ARIH2: variants seen among roughly 807,000 people sequenced by gnomAD.
ARIH2 encodes the protein E3 ubiquitin-protein ligase ARIH2.
ARIH2 carries 12 observed loss-of-function variants against 79.8 expected under a neutral mutation model. That is an observed-to-expected ratio of 0.15 (90% confidence interval 0.10 to 0.24). The LOEUF (loss-of-function observed/expected upper bound fraction) is 0.24, where lower values mean the gene tolerates loss of function less well. Ranked by LOEUF, ARIH2 falls within the 10% of genes least tolerant of loss-of-function variation. ARIH2 has a pLI of 1.00. For missense variants in ARIH2, 301 were observed against 618.3 expected (o/e 0.49, Z 5.44); for synonymous variants, 224 against 213.9 (o/e 1.05, Z -0.41).
intron 3 of ARIH2, among the ~76,000 whole-genome samples, chr3:48,954,193 C>T (rs1229165609): frequency 6.6e-6 from 1 of 151,842 alleles, no homozygotes; most frequent in Non-Finnish European, 1.5e-5. Flanking sequence ...TGGTGGCTCA[C>T]GCCTGTAATC....
At chr3:48,951,926 A>G (rs1434058235) in intron 3 of ARIH2, among the ~76,000 whole-genome samples, 2 of 151,128 alleles carry the variant, frequency 1.3e-5, no homozygotes, top group East Asian at 2.0e-4. Flanking sequence ...AATTGTTACT[A>G]TTTTCTTCTT....
intron 3 of ARIH2, among the ~76,000 whole-genome samples, chr3:48,930,006 G>A (rs1023665410): frequency 6.6e-6 from 1 of 152,168 alleles, no homozygotes; most frequent in African/African-American, 2.4e-5. Context: ...AGAAAATGGA[G>A]CAAAGAGGAA....
chr3:48,959,045 G>A (rs1027475473), intron 3 of ARIH2, among the ~76,000 whole-genome samples: 1 of 151,432 alleles, frequency 6.6e-6, no homozygotes, highest in Non-Finnish European at 1.5e-5. Flanking sequence ...GGCCGAGCGC[G>A]GTGGCTCACG....
intron 3 of ARIH2, among the ~76,000 whole-genome samples, chr3:48,950,272 TTCTATTGA>T (rs2089782528): frequency 6.6e-6 from 1 of 152,178 alleles, no homozygotes; most frequent in Non-Finnish European, 1.5e-5. Flanking sequence ...CTCTGTTTTG[TTCTATTGA>T]TCTATAGGTC....
At chr3:48,919,065 G>T (rs548743370) in intron 1 of ARIH2, 67 bp downstream of exon 1, 2 of 1,305,052 alleles carry the variant, frequency 1.5e-6, no homozygotes, top group East Asian at 6.1e-5. Context: ...CTCTCCGCGC[G>T]CCTCCCTGGC....
chr3:48,928,630 A>T (rs1200258027), intron 3 of ARIH2, among the ~76,000 whole-genome samples: 1 of 152,206 alleles, frequency 6.6e-6, no homozygotes, highest in Non-Finnish European at 1.5e-5. Flanking sequence ...GCACCTTGGC[A>T]TGATGTCAAC....
chr3:48,976,372 G>T (rs1393203344), intron 11 of ARIH2, among the ~76,000 whole-genome samples: 1 of 151,796 alleles, frequency 6.6e-6, no homozygotes, highest in East Asian at 1.9e-4. Flanking sequence ...CACCACACCT[G>T]GATAATTTTT....
intron 4 of ARIH2, among the ~76,000 whole-genome samples, chr3:48,964,192 G>A (rs947955719): frequency 2.0e-5 from 3 of 151,620 alleles, no homozygotes; most frequent in African/African-American, 4.8e-5. Context: ...CAACACTCCC[G>A]GATAGGGTTT....
chr3:48,925,920 A>C (rs1363956724), intron 2 of ARIH2, among the ~76,000 whole-genome samples: 1 of 151,946 alleles, frequency 6.6e-6, no homozygotes, highest in African/African-American at 2.4e-5. Context: ...GGGTTTCACC[A>C]CGTTGGCCAG....
At position 48,975,049 on chromosome 3, in the gene ARIH2, G is replaced by T. The variant is rs1202840283; in HGVS notation, c.961+70G>T. On this transcript the variant is annotated intron_variant, in intron 11 of 15. Coordinates refer to ENST00000356401, the MANE Select transcript of ARIH2 (RefSeq NM_006321.4). ...TGGTTGGGTCTCCGTTACTATTTAA[G>T]TGAGTACTTCTGCCATGAAATGACA... 58 of 1,613,456 alleles carry T rather than the reference G, an allele frequency of 3.6e-5. No homozygotes were observed. The East Asian group carries it at 8.9e-4, about 25-fold the overall frequency.
At position 48,979,627 on chromosome 3, in the gene ARIH2, T is replaced by C. The variant is rs775754284; in HGVS notation, c.1107T>C (p.Phe369=). Residue 369 remains phenylalanine, a synonymous_variant, in exon 12 of 16, where the codon TTT becomes TTC. Transcript: ENST00000356401. ...CCCTCAAGAAGTACTTATTCTACTTTGAGAGGGTAGGTGTCCTCTCCTGTA... is the reference window on the plus strand; with the variant it reads ...CCCTCAAGAAGTACTTATTCTACTTCGAGAGGGTAGGTGTCCTCTCCTGTA... The part of the protein sequence containing the change: ...REALKKYLFY[F]ERWENHNKSL... The C allele has an allele frequency of 7.6e-5, 122 of 1,613,900 alleles. 1 individual carries two copies. The highest frequency in any genetic ancestry group is 2.9e-4 in the South Asian group (26 of 91,074).
At chr3:48,975,424 A>G (rs2092444587) in intron 11 of ARIH2, among the ~76,000 whole-genome samples, 1 of 152,208 alleles carries the variant, frequency 6.6e-6, no homozygotes, top group African/African-American at 2.4e-5. Context: ...TTCATCCATC[A>G]GGAATAATTT....
At chr3:48,965,829 C>T (rs940642283) in intron 5 of ARIH2, among the ~76,000 whole-genome samples, 3 of 152,042 alleles carry the variant, frequency 2.0e-5, no homozygotes, top group Admixed American at 6.5e-5. Flanking sequence ...GGCCTGGTGG[C>T]GCATGCCTGT....
intron 3 of ARIH2, among the ~76,000 whole-genome samples, chr3:48,938,798 G>A (rs1264118207): frequency 6.6e-6 from 1 of 151,402 alleles, no homozygotes; most frequent in Non-Finnish European, 1.5e-5. Context: ...TGAAAAGACC[G>A]TGGACTCTGA....
At chr3:48,970,758 A>G in intron 8 of ARIH2, 54 bp downstream of exon 8, 1 of 1,377,030 alleles carries the variant, frequency 7.3e-7, no homozygotes, top group South Asian at 1.2e-5. Context: ...CATCCTCCAA[A>G]GCACCACTGC....
chr3:48,967,688 A>T (rs1198909886), intron 6 of ARIH2, among the ~76,000 whole-genome samples: 2 of 152,232 alleles, frequency 1.3e-5, no homozygotes, highest in South Asian at 2.1e-4. Flanking sequence ...TGATACTGAA[A>T]CACATTAGCA....
At position 48,971,330 on chromosome 3, in the gene ARIH2, C is replaced by T. The variant is rs140272257; in HGVS notation, c.770+626C>T. On this transcript the variant is annotated intron_variant, in intron 8 of 15. Transcript: ENST00000356401. ...CACATACTTGGCTCACCACAACCTC[C>T]GCCTTCCAGGTTCAAGTGATTCTCC... 6.6e-3 allele frequency among the ~76,000 whole-genome samples: 1,003 copies of T among 152,300 alleles called. 15 individuals carry two copies. The highest frequency in any genetic ancestry group is 0.022 in the African/African-American group (927 of 41,564).
intron 11 of ARIH2, among the ~76,000 whole-genome samples, chr3:48,978,421 A>ATGTG (rs1188251261): frequency 0.015 from 838 of 55,714 alleles, 10 homozygotes; most frequent in Non-Finnish European, 0.02. Flanking sequence ...TAATTTGTGT[A>ATGTG]TGTGTGTGTG....
At chr3:48,939,783 C>CA (rs1207868820) in intron 3 of ARIH2, among the ~76,000 whole-genome samples, 6 of 132,712 alleles carry the variant, frequency 4.5e-5, no homozygotes, top group South Asian at 2.4e-4. Flanking sequence ...AAAACAAAAA[C>CA]AAAAAAACAA....
Sources: allele counts gnomAD v4.1 joint callset (sites outside exome capture counted in the v4.1 genomes callset), GRCh38; gene constraint gnomAD v4.1.1; transcripts MANE v1.5; gene names NCBI Gene and HGNC (gene_info 2026-07-23, HGNC 2026-07-21).